CLTCL1: variants seen among roughly 807,000 people sequenced by gnomAD.
The protein encoded by CLTCL1 is clathrin heavy chain like 1.
CLTCL1 carries 159 observed loss-of-function variants against 190.0 expected under a neutral mutation model. The ratio of observed to expected loss-of-function variants is 0.84; its 90% CI spans 0.74 to 0.95. The LOEUF (loss-of-function observed/expected upper bound fraction) is 0.95, where lower values mean the gene tolerates loss of function less well. Ranked by LOEUF, CLTCL1 falls within the 40% of genes least tolerant of loss-of-function variation. The pLI is 0.00. For synonymous variants in CLTCL1, 752 were observed against 769.6 expected (o/e 0.98, Z 0.38); for missense variants, 1,878 against 2,033.4 (o/e 0.92, Z 1.47).
At chr22:19,192,624 G>C (rs2084551189) in intron 26 of CLTCL1, among the ~76,000 whole-genome samples, 1 of 152,186 alleles carries the variant, frequency 6.6e-6, no homozygotes, top group East Asian at 1.9e-4. Flanking sequence ...GGGCCCGATG[G>C]GGTCTTCTGA....
chr22:19,230,097 G>GT (rs374875733), intron 10 of CLTCL1, 122 bp from the exon 11 acceptor site: 161,212 of 559,244 alleles, frequency 0.29, 12,623 homozygotes, highest in African/African-American at 0.38. Context: ...TCCCTCCCTT[G>GT]GTTTTTTTTT....
intron 29 of CLTCL1, chr22:19,184,648 C>T (rs948831704): frequency 5.2e-5 from 23 of 444,840 alleles, no homozygotes; most frequent in African/African-American, 2.8e-4. Flanking sequence ...TGCCCTCCAC[C>T]GGCCCAGCCT....
In CLTCL1 at chr22:19,183,390, C is replaced by G. The variant is rs782813231; in HGVS notation, c.4827G>C (p.Lys1609Asn). The G allele has an allele frequency of 6.2e-7, 1 of 1,612,712 alleles. No individual in the cohort carries two copies. Among genetic ancestry groups the G allele is most frequent in the Non-Finnish European group, 8.5e-7 (1 of 1,179,632 alleles). Residue 1609 changes from lysine (K) to asparagine (N), a missense_variant and splice_region_variant, in exon 30 of 33, where the codon AAG becomes AAC. By Grantham distance (94) the Lys-to-Asn change is moderately conservative. Coordinates refer to ENST00000427926, the MANE Select transcript of CLTCL1 (RefSeq NM_007098.4). ...FIQVMREYLS[K>N]VDKLDALESL... ...GAGCTGCAGCCGGCCCGGCACCTACCTTGCTCAGGTACTCCCTCATCACCT... is the reference window on the plus strand; with the variant it reads ...GAGCTGCAGCCGGCCCGGCACCTACGTTGCTCAGGTACTCCCTCATCACCT...
intron 3 of CLTCL1, 99 bp downstream of exon 3, chr22:19,253,860 C>T: frequency 7.1e-7 from 1 of 1,414,540 alleles, no homozygotes; most frequent in Non-Finnish European, 9.6e-7. Flanking sequence ...GCCACCGCAC[C>T]TGGCCCTATA....
At chr22:19,223,867 G>C (rs1601571922) in intron 14 of CLTCL1, 24 bp downstream of exon 14, 1 of 1,612,432 alleles carries the variant, frequency 6.2e-7, no homozygotes, top group Non-Finnish European at 8.5e-7. Flanking sequence ...GCAGCTCATG[G>C]AAGGAGGCAG....
chr22:19,181,140 T>C (rs1187875062), intron 30 of CLTCL1: 1 of 319,540 alleles, frequency 3.1e-6, no homozygotes, highest in Non-Finnish European at 5.9e-6. Flanking sequence ...ACAGGGACAC[T>C]GCCACTTACC....
chr22:19,275,859 T>A (rs2087484848), intron 1 of CLTCL1, 29 bp from the exon 2 acceptor site: 1 of 1,552,428 alleles, frequency 6.4e-7, no homozygotes, highest in Non-Finnish European at 8.7e-7. Context: ...TTTGATTAAA[T>A]TTTTTTCCTC....
intron 5 of CLTCL1, among the ~76,000 whole-genome samples, 171 bp from the exon 6 acceptor site, chr22:19,236,040 A>G (rs2145899869): frequency 6.6e-6 from 1 of 152,238 alleles, no homozygotes; most frequent in Admixed American, 6.5e-5. Flanking sequence ...GCTCACTGCA[A>G]CTTCCGACCT....
Position 19,257,220 on chromosome 22 carries a change from G to A in CLTCL1, c.251-2993C>T, listed in dbSNP as rs142037423. 2.1e-3 allele frequency among the ~76,000 whole-genome samples: 326 copies of A among 152,254 alleles called. 1 individual carries two copies. Among genetic ancestry groups the A allele is most frequent in the African/African-American group, 7.1e-3 (293 of 41,538 alleles). The stretch of plus-strand genomic sequence containing the variant: ...CATTACAAAGTTAAAGTAAGCAAAT[G>A]TATGGTAACAGCATAGAAACACAGA... On this transcript the variant is annotated intron_variant, in intron 2 of 32. Transcript: ENST00000427926.
chr22:19,213,964 G>C (rs2085309530), intron 19 of CLTCL1, among the ~76,000 whole-genome samples: 1 of 152,164 alleles, frequency 6.6e-6, no homozygotes. Flanking sequence ...GAATTTTAAA[G>C]TTGGGTGCTA....
intron 2 of CLTCL1, among the ~76,000 whole-genome samples, chr22:19,271,479 C>G (rs568251325): frequency 2.6e-5 from 4 of 152,254 alleles, no homozygotes; most frequent in African/African-American, 7.2e-5. Context: ...GGCACTCCCC[C>G]TTTTGTTCTC....
chr22:19,261,170 T>C (rs1055638118), intron 2 of CLTCL1, among the ~76,000 whole-genome samples: 8 of 151,946 alleles, frequency 5.3e-5, no homozygotes, highest in African/African-American at 1.9e-4. Flanking sequence ...TGGAGTGCAG[T>C]GGCGTAATCT....
chr22:19,276,722 T>A (rs561441595), intron 1 of CLTCL1, among the ~76,000 whole-genome samples: 245 of 152,316 alleles, frequency 1.6e-3, no homozygotes, highest in African/African-American at 5.6e-3. Flanking sequence ...CAGGCTGGAG[T>A]GCAGTGGTGC....
chr22:19,222,215 TC>T, intron 15 of CLTCL1, 122 bp from the exon 16 acceptor site: 2 of 965,716 alleles, frequency 2.1e-6, no homozygotes, highest in African/African-American at 1.6e-5. Flanking sequence ...CTGCGCTGTG[TC>T]CCACCAAAAT....
chr22:19,285,317 C>A (rs1258521526), intron 1 of CLTCL1, among the ~76,000 whole-genome samples: 2 of 151,978 alleles, frequency 1.3e-5, no homozygotes, highest in Admixed American at 6.6e-5. Flanking sequence ...TACCAAAGAG[C>A]CTTTCCTAGC....
chr22:19,234,452 C>T (rs2086014230), intron 7 of CLTCL1, 57 bp downstream of exon 7: 2 of 1,395,080 alleles, frequency 1.4e-6, no homozygotes, highest in South Asian at 1.4e-5. Context: ...ACTTATTTTC[C>T]TCTCAAGGTT....
chr22:19,290,843 T>C (rs1215696084), intron 1 of CLTCL1, among the ~76,000 whole-genome samples: 3 of 152,154 alleles, frequency 2.0e-5, no homozygotes, highest in African/African-American at 4.8e-5. Flanking sequence ...AGTAAGCGAA[T>C]CGCAACGAAT....
At chr22:19,191,183 G>A (rs2146246858) in intron 27 of CLTCL1, 121 bp downstream of exon 27, 1 of 1,155,368 alleles carries the variant, frequency 8.7e-7, no homozygotes, top group African/African-American at 1.5e-5. Flanking sequence ...TTGATACACT[G>A]GTGAATCTTC....
intron 29 of CLTCL1, chr22:19,184,270 GT>G (rs141456940): frequency 0.065 from 22,056 of 339,070 alleles, 998 homozygotes; most frequent in East Asian, 0.21. Flanking sequence ...AGACCCAGAT[GT>G]AGTCACTTGC....
Sources: gnomAD v4.1 joint callset for allele counts (sites outside exome capture counted in the v4.1 genomes callset) on GRCh38, gnomAD v4.1.1 for gene constraint, MANE v1.5 for transcripts, NCBI Gene and HGNC (gene_info 2026-07-23, HGNC 2026-07-21) for gene names.